The following TANC1 variants were observed in gnomAD, a reference collection of about 807,000 sequenced individuals.
TANC1 encodes tetratricopeptide repeat, ankyrin repeat and coiled-coil containing 1.
TANC1 carries 77 observed loss-of-function variants against 149.7 expected under a neutral mutation model. The ratio of observed to expected loss-of-function variants is 0.51; its 90% CI spans 0.43 to 0.62. The LOEUF is 0.62. Ranked by LOEUF, TANC1 falls within the 20% of genes least tolerant of loss-of-function variation. The pLI, the probability that TANC1 is intolerant of heterozygous loss-of-function variation, is 0.00. For synonymous variants in TANC1, 854 were observed against 925.0 expected, an observed-to-expected ratio of 0.92 and a Z score of 1.39; for missense variants, 1,985 against 2,321.8, an observed-to-expected ratio of 0.85 and a Z score of 2.98.
In TANC1 at chr2:159,196,692, A is replaced by G; in HGVS notation, c.3064A>G (p.Thr1022Ala). ...GHGDILQYLL[T>A]CEWSPGPPQP... ...CGGTGACATTCTCCAGTACCTGCTG[A>G]CTTGTGAGTGGTCGCCGGGTCCTCC... Residue 1022 changes from threonine to alanine, a missense_variant, in exon 18 of 27, where the codon ACT becomes GCT. Physicochemically the swap from Thr to Ala is moderately conservative, Grantham distance 58. Transcript: ENST00000263635. 2.5e-6 allele frequency: 4 copies of G among 1,614,054 alleles called. No homozygotes were observed. Among genetic ancestry groups the G allele is most frequent in the Non-Finnish European group, 3.4e-6 (4 of 1,179,998 alleles).
chr2:159,219,972 CAGAG>C (rs199599678), intron 22 of TANC1, 105 bp downstream of exon 22: 6 of 773,496 alleles, frequency 7.8e-6, no homozygotes, highest in Admixed American at 5.3e-5. Flanking sequence ...TCAGTGTCAT[CAGAG>C]AGTGTGTGTG....
At chr2:159,123,882 C>A (rs1331974589) in intron 4 of TANC1, among the ~76,000 whole-genome samples, 2 of 152,138 alleles carry the variant, frequency 1.3e-5, no homozygotes, top group African/African-American at 2.4e-5. Flanking sequence ...TGACGCCAGT[C>A]TCCCCTCGTG....
intron 1 of TANC1, among the ~76,000 whole-genome samples, chr2:158,985,850 C>G (rs1467016221): frequency 1.3e-5 from 2 of 152,124 alleles, no homozygotes; most frequent in African/African-American, 4.8e-5. Context: ...CACCACGTGG[C>G]CAGGCTGGTC....
intron 2 of TANC1, among the ~76,000 whole-genome samples, chr2:159,005,410 G>A (rs1397295332): frequency 1.3e-5 from 2 of 152,130 alleles, no homozygotes; most frequent in African/African-American, 2.4e-5. Context: ...GGGCAACATG[G>A]CGAAACCCCA....
At chr2:159,022,352 G>A (rs2038897699) in intron 2 of TANC1, among the ~76,000 whole-genome samples, 2 of 152,238 alleles carry the variant, frequency 1.3e-5, no homozygotes, top group South Asian at 4.1e-4. Flanking sequence ...TTTTTCCTAA[G>A]TGTGTGCCCA....
chr2:159,192,596 G>C (rs2057528969), intron 16 of TANC1, among the ~76,000 whole-genome samples: 1 of 152,160 alleles, frequency 6.6e-6, no homozygotes, highest in Non-Finnish European at 1.5e-5. Flanking sequence ...TAATGAATCA[G>C]AAATCAGGGG....
Position 159,179,108 on chromosome 2 carries a change from G to C in TANC1, c.2455G>C (p.Glu819Gln). The C allele has an allele frequency of 1.2e-6, 2 of 1,613,696 alleles. No individual in the cohort carries two copies. The highest frequency in any genetic ancestry group is 1.7e-6 in the Non-Finnish European group (2 of 1,179,978). The part of the protein sequence containing the change: ...TRMFCHPSFR[E>Q]WLVWRADGEN... Reference sequence around the variant, plus strand: ...CATGTTCTGCCACCCGTCCTTCAGGGAGTGGCTTGTATGGAGAGCAGACGG... The same window carrying C: ...CATGTTCTGCCACCCGTCCTTCAGGCAGTGGCTTGTATGGAGAGCAGACGG... Residue 819 changes from glutamate to glutamine, a missense_variant, in exon 14 of 27, where the codon GAG (glutamate) becomes CAG (glutamine). Transcript: ENST00000263635.
chr2:159,219,862 G>A lies in TANC1; in HGVS notation c.3673G>A (p.Glu1225Lys), dbSNP rs202039152. Residue 1225 changes from glutamate (E) to lysine (K), a missense_variant, in exon 22 of 27, where the codon GAG becomes AAG. By Grantham distance (56) the Glu-to-Lys change is moderately conservative. Around this residue, in one of 3 missense-constraint regions of TANC1, gnomAD observed 920 missense variants for 994.7 expected, o/e 0.92. Transcript: ENST00000263635. ...LDLAAFYGDA[E>K]TVLYLVEKGA... ...CCTGGCTGCCTTCTATGGCGATGCC[G>A]AGACTGTGAGTACCAGCAGGTGTTC... 128 of 1,612,790 alleles carry A rather than the reference G, an allele frequency of 7.9e-5. No individual in the cohort carries two copies. Among genetic ancestry groups the A allele is most frequent in the African/African-American group, 7.7e-4 (58 of 74,994 alleles).
intron 2 of TANC1, among the ~76,000 whole-genome samples, chr2:159,062,733 C>A (rs1053628644): frequency 4.7e-5 from 7 of 150,342 alleles, no homozygotes; most frequent in African/African-American, 1.7e-4. Flanking sequence ...TTTGGGAGGC[C>A]GAGGCGGGTG....
chr2:159,032,553 T>C (rs995499385), intron 2 of TANC1, among the ~76,000 whole-genome samples: 3 of 152,166 alleles, frequency 2.0e-5, no homozygotes, highest in African/African-American at 7.2e-5. Flanking sequence ...TGAAAGGCTG[T>C]TAAAATATAA....
intron 4 of TANC1, among the ~76,000 whole-genome samples, chr2:159,133,619 C>G (rs1053113467): frequency 1.3e-5 from 2 of 151,442 alleles, no homozygotes. Context: ...CCCCACAAGT[C>G]TTTTTCCCTA....
intron 19 of TANC1, among the ~76,000 whole-genome samples, chr2:159,204,696 A>G (rs954000704): frequency 2.6e-5 from 4 of 152,246 alleles, no homozygotes; most frequent in African/African-American, 9.6e-5. Flanking sequence ...GGGATGCCCT[A>G]TCGGAGTTGG....
At chr2:159,191,697 T>G (rs1273532369) in intron 16 of TANC1, among the ~76,000 whole-genome samples, 1 of 152,236 alleles carries the variant, frequency 6.6e-6, no homozygotes, top group African/African-American at 2.4e-5. Context: ...GTTTCACTAC[T>G]TGGTAGTATA....
At chr2:159,149,321 C>G in intron 6 of TANC1, 49 bp downstream of exon 6, 1 of 1,612,030 alleles carries the variant, frequency 6.2e-7, no homozygotes, top group Non-Finnish European at 8.5e-7. Flanking sequence ...AGAGGATGAA[C>G]GAAGCAATAA....
At position 159,097,715 on chromosome 2, in the gene TANC1, C is replaced by A. The variant is rs762515817; in HGVS notation, c.140C>A (p.Thr47Lys). 4 of 1,614,178 alleles carry A rather than the reference C, an allele frequency of 2.5e-6. No individual in the cohort carries two copies. Among genetic ancestry groups the A allele is most frequent in the Non-Finnish European group, 3.4e-6 (4 of 1,180,026 alleles). ...SADSPVSSLP[T>K]AEDTYRVSLA... ...GACTCTCCTGTGAGCAGTCTTCCCACAGCAGAGGACACCTATAGGGTGAGC... is the reference window on the plus strand; with the variant it reads ...GACTCTCCTGTGAGCAGTCTTCCCAAAGCAGAGGACACCTATAGGGTGAGC... The change falls in exon 4 of 27, where the codon ACA (threonine) becomes AAA (lysine). Residue 47 changes from threonine (T) to lysine (K), a missense_variant. Transcript: ENST00000263635.
intron 15 of TANC1, among the ~76,000 whole-genome samples, chr2:159,186,476 C>T (rs898861417): frequency 2.6e-5 from 4 of 152,168 alleles, no homozygotes; most frequent in Non-Finnish European, 5.9e-5. Context: ...AACCTTGTCT[C>T]TACTAAAAAT....
chr2:159,182,833 G>T (rs1169712544), intron 14 of TANC1, among the ~76,000 whole-genome samples: 1 of 149,846 alleles, frequency 6.7e-6, no homozygotes, highest in African/African-American at 2.5e-5. Context: ...TCAGTTTTTT[G>T]GGGTTGCACA....
chr2:159,043,802 C>T (rs1324654627), intron 2 of TANC1, among the ~76,000 whole-genome samples: 2 of 152,160 alleles, frequency 1.3e-5, no homozygotes, highest in African/African-American at 4.8e-5. Flanking sequence ...CATTTTCATT[C>T]TTCTACTCCT....
chr2:159,082,520 T>C (rs539031926), intron 3 of TANC1, among the ~76,000 whole-genome samples: 5 of 152,172 alleles, frequency 3.3e-5, no homozygotes, highest in Admixed American at 1.3e-4. Flanking sequence ...CCTTGGTAAG[T>C]GGTGGCATCT....
Sources: allele counts gnomAD v4.1 joint callset (sites outside exome capture counted in the v4.1 genomes callset), GRCh38; gene constraint gnomAD v4.1.1; regional missense constraint gnomAD v4.1.1; transcripts MANE v1.5; gene names NCBI Gene and HGNC (gene_info 2026-07-23, HGNC 2026-07-21).